TCF4: variants seen among roughly 807,000 people sequenced by gnomAD.
TCF4 encodes transcription factor 4.
In TCF4, 3 loss-of-function variants were observed where a neutral mutation model predicts 82.1. The observed-to-expected ratio is 0.04, with a 90% CI of 0.02 to 0.09. The LOEUF is 0.09. TCF4 is among the 10% of genes least tolerant of loss of function. TCF4 has a pLI of 1.00. For synonymous variants in TCF4, 276 were observed against 309.6 expected (o/e 0.89, Z 1.14); for missense variants, 518 against 852.7 (o/e 0.61, Z 4.89).
At position 55,396,921 on chromosome 18, in the gene TCF4, T is replaced by C. The variant is rs191796844; in HGVS notation, c.369+6533A>G. On this transcript the variant is annotated intron_variant, in intron 6 of 19. Coordinates refer to ENST00000354452, the MANE Select transcript of TCF4 (RefSeq NM_001083962.2). ...AAGAAACTGCCCTTTTATAGAAGAA[T>C]ACTAGCTATAAATGTGGAAGGAATG... Among the ~76,000 whole-genome samples, 42 of 152,334 alleles carry C rather than the reference T, an allele frequency of 2.8e-4. 1 individual carries two copies. Among genetic ancestry groups the C allele is most frequent in the Admixed American group, 5.9e-4 (9 of 15,300 alleles).
At chr18:55,451,122 C>T (rs1451648146) in intron 5 of TCF4, among the ~76,000 whole-genome samples, 1 of 152,118 alleles carries the variant, frequency 6.6e-6, no homozygotes, top group Non-Finnish European at 1.5e-5. Context: ...TATACTACCT[C>T]CACCTGCTCC....
At chr18:55,589,258 T>C (rs2097678607), upstream of TCF4, 1 of 1,049,892 alleles carries the variant, frequency 9.5e-7, no homozygotes, top group African/African-American at 1.7e-5. Flanking sequence ...TTAAATTCAA[T>C]TACAAACAGT....
At chr18:55,473,832 G>T (rs1172905033) in intron 3 of TCF4, among the ~76,000 whole-genome samples, 2 of 152,286 alleles carry the variant, frequency 1.3e-5, no homozygotes, top group Middle Eastern at 3.4e-3. Flanking sequence ...TTATTCCCTT[G>T]TAATTGGAAA....
intron 8 of TCF4, among the ~76,000 whole-genome samples, chr18:55,335,127 G>C (rs938209665): frequency 2.6e-5 from 4 of 152,138 alleles, no homozygotes; most frequent in Non-Finnish European, 4.4e-5. Context: ...CTCACACCCA[G>C]GGAAACCTGT....
At chr18:55,339,955 ACT>A (rs1204801420) in intron 8 of TCF4, among the ~76,000 whole-genome samples, 2 of 152,018 alleles carry the variant, frequency 1.3e-5, no homozygotes, top group African/African-American at 2.4e-5. Context: ...AACAAACTGA[ACT>A]CTGTTTACTT....
chr18:55,537,420 T>G (rs1264174393), intron 3 of TCF4, among the ~76,000 whole-genome samples: 1 of 151,870 alleles, frequency 6.6e-6, no homozygotes, highest in Non-Finnish European at 1.5e-5. Context: ...CGAAACACCA[T>G]CTCTACAAAA....
chr18:55,625,302 G>A (rs2097725458), intron 2 of TCF4, among the ~76,000 whole-genome samples: 1 of 149,668 alleles, frequency 6.7e-6, no homozygotes, highest in African/African-American at 2.5e-5. Flanking sequence ...GCAGTGGCCT[G>A]ATCTCGGCTC....
intron 2 of TCF4, among the ~76,000 whole-genome samples, chr18:55,620,164 TC>T (rs2097716250): frequency 6.6e-6 from 1 of 152,214 alleles, no homozygotes; most frequent in African/African-American, 2.4e-5. Flanking sequence ...ATTGTAGGGT[TC>T]CTGAGGCCTC....
At chr18:55,599,543 A>C (rs1257065075) in intron 2 of TCF4, among the ~76,000 whole-genome samples, 2 of 152,236 alleles carry the variant, frequency 1.3e-5, no homozygotes, top group African/African-American at 4.8e-5. Flanking sequence ...CAACATGGTG[A>C]AACCCCGTCT....
intron 3 of TCF4, among the ~76,000 whole-genome samples, chr18:55,540,137 A>G (rs190394068): frequency 1.3e-5 from 2 of 152,214 alleles, no homozygotes; most frequent in East Asian, 3.9e-4. Flanking sequence ...GTTTCATTAA[A>G]AAAACAGAGG....
intron 3 of TCF4, among the ~76,000 whole-genome samples, chr18:55,528,481 A>G (rs1210118473): frequency 6.6e-6 from 1 of 152,202 alleles, no homozygotes; most frequent in Non-Finnish European, 1.5e-5. Flanking sequence ...ATTCATAACC[A>G]ATAACAGTTG....
intron 8 of TCF4, among the ~76,000 whole-genome samples, chr18:55,294,936 T>C (rs1335619893): frequency 6.6e-6 from 1 of 152,234 alleles, no homozygotes; most frequent in Non-Finnish European, 1.5e-5. Context: ...AGTCAGTTTA[T>C]GACTTTAATC....
intron 5 of TCF4, among the ~76,000 whole-genome samples, chr18:55,444,535 G>C (rs1169681218): frequency 6.6e-6 from 1 of 152,220 alleles, no homozygotes; most frequent in Non-Finnish European, 1.5e-5. Context: ...TGTGGAAAGA[G>C]AGACAATACA....
chr18:55,260,078 C>G, intron 12 of TCF4, 51 bp from the exon 13 acceptor site: 1 of 1,383,536 alleles, frequency 7.2e-7, no homozygotes, highest in Non-Finnish European at 1.0e-6. Flanking sequence ...TAAAATAATT[C>G]ACACTTTTCT....
At chr18:55,592,051 CTGTCACAGAAT>C (rs2097686078), upstream of TCF4, among the ~76,000 whole-genome samples, 1 of 152,224 alleles carries the variant, frequency 6.6e-6, no homozygotes, top group South Asian at 2.1e-4. Flanking sequence ...AATACTTATT[CTGTCACAGAAT>C]TGTCACAGAA....
chr18:55,343,787 A>G (rs2080541521), intron 8 of TCF4, among the ~76,000 whole-genome samples: 2 of 152,166 alleles, frequency 1.3e-5, no homozygotes, highest in Non-Finnish European at 2.9e-5. Context: ...TAAAACTATA[A>G]GTTTTGCACC....
chr18:55,629,352 C>G (rs1041525855), intron 2 of TCF4, among the ~76,000 whole-genome samples: 2 of 152,150 alleles, frequency 1.3e-5, no homozygotes, highest in Non-Finnish European at 2.9e-5. Flanking sequence ...ATTAAAATAT[C>G]TGGATGGTGA....
chr18:55,350,474 C>T (rs1421090677), intron 7 of TCF4, 66 bp from the exon 8 acceptor site: 1 of 1,529,488 alleles, frequency 6.5e-7, no homozygotes, highest in East Asian at 2.3e-5. Flanking sequence ...TAGGTTAAAC[C>T]ACAAAGACTT....
intron 3 of TCF4, among the ~76,000 whole-genome samples, chr18:55,559,629 G>A (rs2097337548): frequency 1.8e-5 from 1 of 54,572 alleles, no homozygotes; most frequent in Admixed American, 3.0e-4. Context: ...TTATCATAGG[G>A]TTTTTTCTTT....
Sources: gnomAD v4.1 joint callset for allele counts (sites outside exome capture counted in the v4.1 genomes callset) on GRCh38, gnomAD v4.1.1 for gene constraint, MANE v1.5 for transcripts, NCBI Gene and HGNC (gene_info 2026-07-23, HGNC 2026-07-21) for gene names.